The following DLG2 variants were observed in gnomAD, a reference collection of about 807,000 sequenced individuals.
DLG2 encodes disks large homolog 2.
DLG2 carries 45 observed loss-of-function variants against 132.5 expected under a neutral mutation model. The ratio of observed to expected loss-of-function variants is 0.34; its 90% CI spans 0.27 to 0.44. DLG2 has a LOEUF of 0.44. Ranked by LOEUF, DLG2 falls within the 20% of genes least tolerant of loss-of-function variation. The probability of loss-of-function intolerance (pLI) is 1.00; values close to 1 mark genes in which losing one functional copy is unlikely to be tolerated. For synonymous variants in DLG2, 424 were observed against 419.6 expected (o/e 1.01, Z -0.13); for missense variants, 1,045 against 1,196.9 (o/e 0.87, Z 1.87).
chr11:84,394,047 A>C (rs940089965), intron 7 of DLG2, among the ~76,000 whole-genome samples: 1 of 151,794 alleles, frequency 6.6e-6, no homozygotes, highest in African/African-American at 2.4e-5. Context: ...CAACACGCCC[A>C]GCTATTTTTA....
At chr11:84,959,941 T>C (rs529687700) in intron 6 of DLG2, among the ~76,000 whole-genome samples, 1 of 152,298 alleles carries the variant, frequency 6.6e-6, no homozygotes, top group African/African-American at 2.4e-5. Flanking sequence ...CTTTAAAGAT[T>C]GGTTCTGTGG....
At chr11:85,266,670 C>T (rs1036028218) in intron 4 of DLG2, among the ~76,000 whole-genome samples, 4 of 152,104 alleles carry the variant, frequency 2.6e-5, no homozygotes, top group African/African-American at 9.7e-5. Flanking sequence ...AATGCAGTTT[C>T]ACTCATCTTT....
At position 83,503,369 on chromosome 11, in the gene DLG2, TTATATATATATATATA is replaced by T. The variant is rs34969401; in HGVS notation, c.2194-19157_2194-19142del. ...TATATATATACACACACACACCCAT[TTATATATATATATATA>T]TATATATATATATATATATATATAT... is the stretch of plus-strand genomic sequence containing the variant. On this transcript the variant is annotated intron_variant, in intron 21 of 27. Transcript: ENST00000376104. Among the ~76,000 whole-genome samples the T allele has an allele frequency of 9.6e-4, 87 of 90,708 alleles. 2 individuals are homozygous for T. The highest frequency in any genetic ancestry group is 7.5e-3 in the East Asian group (23 of 3,058). The allele number at this position is 90,708 out of a possible 152,430, so 59.5% of individuals were successfully genotyped here.
intron 6 of DLG2, among the ~76,000 whole-genome samples, chr11:84,662,028 A>T (rs951898370): frequency 1.3e-5 from 2 of 151,984 alleles, no homozygotes; most frequent in Non-Finnish European, 2.9e-5. Flanking sequence ...TCTAGTTTAG[A>T]AAGGGTCAGC....
chr11:83,663,841 C>T (rs1352972029), intron 18 of DLG2, among the ~76,000 whole-genome samples: 28 of 152,164 alleles, frequency 1.8e-4, no homozygotes, highest in Admixed American at 1.8e-3. Flanking sequence ...AATTCCGAGG[C>T]AGATAGAAAT....
At chr11:84,538,409 G>T (rs2099360571) in intron 6 of DLG2, among the ~76,000 whole-genome samples, 1 of 152,112 alleles carries the variant, frequency 6.6e-6, no homozygotes, top group South Asian at 2.1e-4. Flanking sequence ...ATTACCCTTA[G>T]GTGATTGAAG....
chr11:84,607,324 G>A (rs954078105), intron 6 of DLG2, among the ~76,000 whole-genome samples: 1 of 152,066 alleles, frequency 6.6e-6, no homozygotes, highest in African/African-American at 2.4e-5. Context: ...TTATTTCCAC[G>A]AGGCTCCAAA....
At chr11:84,149,227 T>A (rs34348309) in intron 9 of DLG2, among the ~76,000 whole-genome samples, 2,230 of 152,268 alleles carry the variant, frequency 0.015, 29 homozygotes, top group Non-Finnish European at 0.026. Context: ...TTTAATTAGG[T>A]CCCGTTTGTC....
intron 4 of DLG2, among the ~76,000 whole-genome samples, chr11:85,269,165 T>C (rs999773414): frequency 6.6e-6 from 1 of 152,226 alleles, no homozygotes; most frequent in African/African-American, 2.4e-5. Context: ...ATTATTTGCA[T>C]CTTGTTACTC....
chr11:84,091,431 G>A (rs775541971), intron 10 of DLG2, among the ~76,000 whole-genome samples: 9 of 152,040 alleles, frequency 5.9e-5, no homozygotes, highest in Admixed American at 1.3e-4. Flanking sequence ...TTTTACTGGC[G>A]TGGGTCCACC....
intron 4 of DLG2, among the ~76,000 whole-genome samples, chr11:85,282,494 T>C (rs2078292952): frequency 8.2e-6 from 1 of 121,608 alleles, no homozygotes; most frequent in South Asian, 2.7e-4. Context: ...CTATTATGTA[T>C]CCATAATAAT....
At chr11:85,271,484 T>C (rs987577688) in intron 4 of DLG2, among the ~76,000 whole-genome samples, 5 of 152,146 alleles carry the variant, frequency 3.3e-5, no homozygotes, top group Admixed American at 3.3e-4. Context: ...AATGCCACTG[T>C]CCTCCAGACC....
chr11:84,013,396 T>C (rs187288214), intron 11 of DLG2, among the ~76,000 whole-genome samples: 1 of 152,280 alleles, frequency 6.6e-6, no homozygotes, highest in East Asian at 1.9e-4. Context: ...GCTCATGGTC[T>C]AGAATGGAAA....
intron 6 of DLG2, among the ~76,000 whole-genome samples, chr11:84,731,736 G>C (rs897892457): frequency 3.3e-5 from 5 of 151,832 alleles, no homozygotes; most frequent in Non-Finnish European, 7.4e-5. Context: ...AAAAGCCTTA[G>C]GAAACTACAG....
At chr11:85,576,101 T>A (rs562408609) in intron 3 of DLG2, among the ~76,000 whole-genome samples, 1 of 152,298 alleles carries the variant, frequency 6.6e-6, no homozygotes, top group East Asian at 1.9e-4. Flanking sequence ...AAAATGTATC[T>A]CAGAAGTCCT....
chr11:85,001,434 T>C (rs1352842108), intron 6 of DLG2, among the ~76,000 whole-genome samples: 2 of 152,140 alleles, frequency 1.3e-5, no homozygotes, highest in Admixed American at 6.6e-5. Context: ...AGGTAAGCAA[T>C]TGTTAGGTCT....
intron 6 of DLG2, among the ~76,000 whole-genome samples, chr11:84,549,161 G>A (rs1435893517): frequency 6.6e-6 from 1 of 152,170 alleles, no homozygotes; most frequent in Non-Finnish European, 1.5e-5. Context: ...ATGAAAGAGG[G>A]ATGTGCCGGG....
intron 7 of DLG2, among the ~76,000 whole-genome samples, chr11:84,337,196 G>A (rs1405053952): frequency 1.3e-5 from 2 of 152,092 alleles, no homozygotes; most frequent in Non-Finnish European, 2.9e-5. Context: ...CTACCCCATA[G>A]AGATGTTGTG....
intron 21 of DLG2, among the ~76,000 whole-genome samples, chr11:83,496,793 T>C (rs1374667526): frequency 6.6e-6 from 1 of 152,156 alleles, no homozygotes; most frequent in Non-Finnish European, 1.5e-5. Context: ...GTCTAATCCA[T>C]ATATTATCAT....
Sources: allele counts gnomAD v4.1 joint callset (sites outside exome capture counted in the v4.1 genomes callset), GRCh38; gene constraint gnomAD v4.1.1; transcripts MANE v1.5; gene names NCBI Gene and HGNC (gene_info 2026-07-23, HGNC 2026-07-21).